Variants in CTNNB1 observed in about 807,000 individuals in gnomAD.
The protein encoded by CTNNB1 is catenin beta-1.
Under a neutral mutation model 82.5 loss-of-function variants are expected in CTNNB1, and 6 were observed. The ratio of observed to expected loss-of-function variants is 0.07; its 90% CI spans 0.04 to 0.14. The LOEUF is 0.14. CTNNB1 is among the 10% of genes least tolerant of loss of function. The probability of loss-of-function intolerance (pLI) is 1.00; values close to 1 mark genes in which losing one functional copy is unlikely to be tolerated. For missense variants in CTNNB1, 529 were observed against 980.4 expected (o/e 0.54, Z 6.15); for synonymous variants, 312 against 329.7 (o/e 0.95, Z 0.58).
At chr3:41,207,498 C>G (rs2077675640) in intron 1 of CTNNB1, among the ~76,000 whole-genome samples, 2 of 152,142 alleles carry the variant, frequency 1.3e-5, no homozygotes, top group Non-Finnish European at 2.9e-5. Flanking sequence ...AGTAGGAACC[C>G]CTTCACCTTG....
In CTNNB1 at chr3:41,239,441, T is replaced by G; in HGVS notation, c.*99T>G. ...AAAGACTTGGTTGGTAGGGTGGGAG[T>G]GGTTTAGGCTATTTGTAAATCTGCC... On this transcript the variant is annotated 3_prime_UTR_variant, in exon 15 of 15. Transcript: ENST00000349496. 1 of 1,036,924 alleles carries G rather than the reference T, an allele frequency of 9.6e-7. No homozygotes were observed. Among genetic ancestry groups the G allele is most frequent in the East Asian group, 2.6e-5 (1 of 38,700 alleles). 64.2% of individuals were successfully genotyped at this position (1,036,924 alleles called of 1,614,324 possible).
chr3:41,238,154 C>T (rs1056986737), intron 14 of CTNNB1, 78 bp downstream of exon 14: 9 of 1,320,516 alleles, frequency 6.8e-6, no homozygotes, highest in African/African-American at 4.3e-5. Flanking sequence ...CCGGTTTGCT[C>T]ATCTGGGAAA....
At chr3:41,236,273 T>C in intron 11 of CTNNB1, 76 bp from the exon 12 acceptor site, 1 of 1,551,046 alleles carries the variant, frequency 6.4e-7, no homozygotes. Context: ...GAATTGGGAA[T>C]GTTTGCACCA....
intron 1 of CTNNB1, among the ~76,000 whole-genome samples, chr3:41,207,728 C>G (rs559036452): frequency 6.6e-6 from 1 of 152,222 alleles, no homozygotes; most frequent in Non-Finnish European, 1.5e-5. Flanking sequence ...ATTGTAACTT[C>G]TGGAACTCAG....
rs2125650670 is a variant in CTNNB1, at chr3:41,238,087, C to G, written c.2137+11C>G. The stretch of plus-strand genomic sequence containing the variant: ...GATATCGCCAGGATGGTATGTGTCT[C>G]ATATTTCTCGATTAACTCCAGATCA... On this transcript the variant is annotated intron_variant, in intron 14 of 14. Coordinates refer to ENST00000349496, the MANE Select transcript of CTNNB1 (RefSeq NM_001904.4). The G allele has an allele frequency of 2.5e-6, 4 of 1,611,256 alleles. No homozygotes were observed. In the South Asian group the frequency reaches 4.4e-5, roughly 18 times the overall value.
At chr3:41,230,066 T>C (rs939605182) in intron 7 of CTNNB1, among the ~76,000 whole-genome samples, 3 of 152,172 alleles carry the variant, frequency 2.0e-5, no homozygotes, top group African/African-American at 7.2e-5. Context: ...GAATAAAGTA[T>C]AGGGCTGGCA....
intron 7 of CTNNB1, among the ~76,000 whole-genome samples, chr3:41,230,793 G>A (rs539140974): frequency 6.6e-6 from 1 of 152,298 alleles, no homozygotes; most frequent in South Asian, 2.1e-4. Flanking sequence ...AACACCATGT[G>A]CTATGTCTTA....
At chr3:41,222,571 T>TG in intron 1 of CTNNB1, among the ~76,000 whole-genome samples, 1 of 152,244 alleles carries the variant, frequency 6.6e-6, no homozygotes, top group East Asian at 1.9e-4. Context: ...AACATGAACT[T>TG]GCTTTTTTCC....
intron 11 of CTNNB1, 137 bp downstream of exon 11, chr3:41,235,980 G>T: frequency 8.7e-7 from 1 of 1,144,610 alleles, no homozygotes; most frequent in Non-Finnish European, 1.3e-6. Context: ...TACATTTTTT[G>T]GTCAGTAAGA....
intron 1 of CTNNB1, among the ~76,000 whole-genome samples, chr3:41,217,454 G>A (rs1364235367): frequency 6.6e-6 from 1 of 152,150 alleles, no homozygotes; most frequent in Non-Finnish European, 1.5e-5. Flanking sequence ...AATTTGTTCA[G>A]TGGGTGAATA....
chr3:41,200,329 G>A lies in CTNNB1; in HGVS notation c.-49+659G>A, dbSNP rs1182294478. 2.0e-5 allele frequency: 3 copies of A among 152,304 alleles called. No homozygotes were observed. The East Asian group carries it at 5.8e-4, about 29-fold the overall frequency. The allele number at this position is 152,304 out of a possible 1,614,324, so 9.4% of individuals were successfully genotyped here. ...GCAGCGGGTGCGATGCGTCAGTAGG[G>A]TGAGCACATAAAAAATCCATGTCTT... On this transcript the variant is annotated intron_variant, in intron 1 of 14. Coordinates refer to ENST00000349496, the MANE Select transcript of CTNNB1 (RefSeq NM_001904.4).
intron 1 of CTNNB1, among the ~76,000 whole-genome samples, chr3:41,217,336 T>G (rs914889900): frequency 1.2e-4 from 19 of 152,250 alleles, no homozygotes; most frequent in African/African-American, 4.3e-4. Context: ...AAATTTTCTT[T>G]TAAATTGCTT....
At position 41,225,649 on chromosome 3, in the gene CTNNB1, C is replaced by G. The variant is rs2125623923; in HGVS notation, c.735-11C>G. The stretch of plus-strand genomic sequence containing the variant: ...ACAATATTTCTGATGAGGCTTTTTT[C>G]TTCTTCCCAGTTCACCAGTGGATTC... On this transcript the variant is annotated splice_polypyrimidine_tract_variant and intron_variant, in intron 5 of 14. Coordinates refer to ENST00000349496, the MANE Select transcript of CTNNB1 (RefSeq NM_001904.4). This position sits in a 1 kb window ranked among gnomAD's most constrained non-coding sequence, Gnocchi z 5.3. 1.9e-6 allele frequency: 3 copies of G among 1,614,046 alleles called. No homozygotes were observed. Among genetic ancestry groups the G allele is most frequent in the Non-Finnish European group, 1.7e-6 (2 of 1,179,928 alleles).
intron 13 of CTNNB1, chr3:41,237,003 A>G (rs1249129972): frequency 1.1e-5 from 6 of 567,080 alleles, no homozygotes; most frequent in East Asian, 2.9e-5. Flanking sequence ...GGATGTAAGG[A>G]AAGAGGCAGT....
At chr3:41,233,081 G>A (rs2078348466) in intron 7 of CTNNB1, 1 of 569,288 alleles carries the variant, frequency 1.8e-6, no homozygotes, top group Admixed American at 3.0e-5. Context: ...TACCTAAGGG[G>A]GACAGTGGAG....
chr3:41,235,582 A>G, intron 10 of CTNNB1, 142 bp from the exon 11 acceptor site: 1 of 1,105,178 alleles, frequency 9.0e-7, no homozygotes, highest in Non-Finnish European at 1.4e-6. Flanking sequence ...ATTCAAGTTA[A>G]TGGAATCCTT....
At chr3:41,219,664 T>C (rs1336125024) in intron 1 of CTNNB1, among the ~76,000 whole-genome samples, 2 of 152,232 alleles carry the variant, frequency 1.3e-5, no homozygotes, top group Non-Finnish European at 2.9e-5. Context: ...TGACAAGCCC[T>C]TGGTAAGATG....
intron 7 of CTNNB1, among the ~76,000 whole-genome samples, chr3:41,229,770 ATTCTG>A (rs2078262498): frequency 6.6e-6 from 1 of 151,992 alleles, no homozygotes; most frequent in Non-Finnish European, 1.5e-5. Flanking sequence ...ATTTTTTTCT[ATTCTG>A]AGTATTTTTA....
Position 41,238,052 on chromosome 3 carries a change from G to C in CTNNB1, c.2113G>C (p.Glu705Gln). 6.2e-7 allele frequency: 1 copy of C among 1,613,760 alleles called. No homozygotes were observed. Among genetic ancestry groups the C allele is most frequent in the South Asian group, 1.1e-5 (1 of 91,072 alleles). Residue 705 changes from glutamate (E) to glutamine (Q), a missense_variant, in exon 14 of 15, where the codon GAA becomes CAA. Around this residue, in one of 4 missense-constraint regions of CTNNB1, gnomAD observed 102 missense variants for 130.8 expected, o/e 0.78. Transcript: ENST00000349496. ...DLGLDIGAQG[E>Q]PLGYRQDDPS... ...TGGACTTGATATTGGTGCCCAGGGAGAACCCCTTGGATATCGCCAGGATGG... is the reference window on the plus strand; with the variant it reads ...TGGACTTGATATTGGTGCCCAGGGACAACCCCTTGGATATCGCCAGGATGG...
Sources: allele counts gnomAD v4.1 joint callset (sites outside exome capture counted in the v4.1 genomes callset), GRCh38; gene constraint gnomAD v4.1.1; regional missense constraint gnomAD v4.1.1; non-coding constraint Gnocchi (gnomAD v3.1); transcripts MANE v1.5; gene names NCBI Gene and HGNC (gene_info 2026-07-23, HGNC 2026-07-21).